ADAMTS6: variants seen among roughly 807,000 people sequenced by gnomAD.
ADAMTS6 encodes the protein ADAM metallopeptidase with thrombospondin type 1 motif 6, also known as A disintegrin and metalloproteinase with thrombospondin motifs 6.
ADAMTS6 carries 23 observed loss-of-function variants against 144.3 expected under a neutral mutation model. The observed-to-expected ratio is 0.16, with a 90% CI of 0.11 to 0.23. The LOEUF is 0.23. ADAMTS6 is among the 10% of genes least tolerant of loss of function. The pLI, the probability that ADAMTS6 is intolerant of heterozygous loss-of-function variation, is 1.00. For synonymous variants in ADAMTS6, 444 were observed against 457.5 expected (o/e 0.97, Z 0.38); for missense variants, 999 against 1,379.6 (o/e 0.72, Z 4.37).
intron 12 of ADAMTS6, among the ~76,000 whole-genome samples, chr5:65,267,951 A>C (rs1414751412): frequency 6.6e-6 from 1 of 152,210 alleles, no homozygotes; most frequent in Non-Finnish European, 1.5e-5. Flanking sequence ...TTCAGCCCAA[A>C]TTCTAAATCA....
At chr5:65,421,399 T>A (rs1408988487) in intron 7 of ADAMTS6, among the ~76,000 whole-genome samples, 1 of 152,204 alleles carries the variant, frequency 6.6e-6, no homozygotes, top group African/African-American at 2.4e-5. Context: ...AGGACCCCAA[T>A]CCCTTCTGGC....
chr5:65,378,319 A>G (rs572851052), intron 7 of ADAMTS6, among the ~76,000 whole-genome samples: 2 of 152,120 alleles, frequency 1.3e-5, no homozygotes, highest in South Asian at 4.2e-4. Flanking sequence ...TCTTTAACTT[A>G]TCCTTCTCTA....
At chr5:65,196,989 A>G in intron 21 of ADAMTS6, 33 bp downstream of exon 21, 4 of 1,598,698 alleles carry the variant, frequency 2.5e-6, no homozygotes, top group Non-Finnish European at 3.4e-6. Context: ...TTGCACCTGA[A>G]GAAAATAATT....
At chr5:65,343,723 G>A (rs1019828693) in intron 7 of ADAMTS6, among the ~76,000 whole-genome samples, 3 of 151,988 alleles carry the variant, frequency 2.0e-5, no homozygotes, top group Admixed American at 6.6e-5. Flanking sequence ...AAAAGCTTCT[G>A]CAGAGCAAAA....
Position 65,445,942 on chromosome 5 carries a change from C to T in ADAMTS6, c.1073+5533G>A, listed in dbSNP as rs537773803. Among the ~76,000 whole-genome samples, 80 of 152,226 alleles carry T rather than the reference C, an allele frequency of 5.3e-4. 1 individual carries two copies. In the East Asian group the frequency reaches 0.011, roughly 21 times the overall value. On this transcript the variant is annotated intron_variant, in intron 7 of 24. Coordinates refer to ENST00000381055, the MANE Select transcript of ADAMTS6 (RefSeq NM_197941.4). ...GTTAATACACTTTTAGAAAGATGAA[C>T]TATATGATCATCTCAAACAATTCAG...
At chr5:65,191,087 C>T (rs1241335485) in intron 21 of ADAMTS6, among the ~76,000 whole-genome samples, 4 of 152,070 alleles carry the variant, frequency 2.6e-5, no homozygotes, top group Non-Finnish European at 5.9e-5. Context: ...ATATAAATTG[C>T]CGAATCGTTA....
intron 14 of ADAMTS6, chr5:65,256,500 T>C (rs1760672944): frequency 6.6e-6 from 1 of 152,292 alleles, no homozygotes; most frequent in East Asian, 1.9e-4. Context: ...GAAGAAAACA[T>C]AAATATATAT....
At chr5:65,215,535 CAA>C in intron 18 of ADAMTS6, 48 bp from the exon 19 acceptor site, 12 of 1,525,386 alleles carry the variant, frequency 7.9e-6, no homozygotes, top group Non-Finnish European at 1.1e-5. Flanking sequence ...TTTCATTTAC[CAA>C]AGTGTCACTG....
chr5:65,437,850 G>A (rs1192398100), intron 7 of ADAMTS6, among the ~76,000 whole-genome samples: 8 of 151,766 alleles, frequency 5.3e-5, no homozygotes, highest in African/African-American at 1.9e-4. Context: ...GAATATTTTC[G>A]ATCCACGATT....
In ADAMTS6 at chr5:65,273,347, T is replaced by C. The variant is rs769032693; in HGVS notation, c.1613A>G (p.Glu538Gly). 1 of 1,613,800 alleles carries C rather than the reference T, an allele frequency of 6.2e-7. No individual in the cohort carries two copies. Among genetic ancestry groups the C allele is most frequent in the South Asian group, 1.1e-5 (1 of 91,072 alleles). Residue 538 changes from glutamate (E) to glycine (G), a missense_variant, in exon 12 of 25, where the codon GAA (glutamate) becomes GGA (glycine). Physicochemically the swap from Glu to Gly is moderately conservative, Grantham distance 98 (BLOSUM62 -2). Transcript: ENST00000381055. The stretch of plus-strand genomic sequence containing the variant: ...GTAAATCATTGAGCTTACCCCTTTT[T>C]CAATATTCCCAGTTTGACACAGTGT... ...EGTLCQTGNI[E>G]KGWCYQGDCV...
chr5:65,429,739 G>T (rs1248110313), intron 7 of ADAMTS6, among the ~76,000 whole-genome samples: 1 of 151,962 alleles, frequency 6.6e-6, no homozygotes, highest in Non-Finnish European at 1.5e-5. Flanking sequence ...TTACTAAATT[G>T]CAGAAGTTTT....
intron 14 of ADAMTS6, among the ~76,000 whole-genome samples, chr5:65,258,994 A>T (rs79616078): frequency 0.017 from 2,619 of 152,244 alleles, 58 homozygotes; most frequent in African/African-American, 0.059. Flanking sequence ...AGAAAGGAGT[A>T]TTGGTAGAGC....
intron 14 of ADAMTS6, among the ~76,000 whole-genome samples, chr5:65,244,174 C>T (rs1235953633): frequency 2.0e-5 from 3 of 151,482 alleles, no homozygotes; most frequent in African/African-American, 7.3e-5. Context: ...GAGTGGGAGA[C>T]TATTAAGAAT....
At chr5:65,187,128 A>T (rs1754721358) in intron 22 of ADAMTS6, among the ~76,000 whole-genome samples, 1 of 152,208 alleles carries the variant, frequency 6.6e-6, no homozygotes, top group Admixed American at 6.5e-5. Flanking sequence ...TGCTAACTTG[A>T]AAGAAATATC....
chr5:65,353,541 T>G (rs1326977071), intron 7 of ADAMTS6, among the ~76,000 whole-genome samples: 1 of 152,020 alleles, frequency 6.6e-6, no homozygotes, highest in Admixed American at 6.6e-5. Flanking sequence ...TAACTCTCAC[T>G]ATTCTTTAGT....
At chr5:65,232,191 C>T (rs748737458) in intron 15 of ADAMTS6, among the ~76,000 whole-genome samples, 3 of 151,908 alleles carry the variant, frequency 2.0e-5, no homozygotes, top group Non-Finnish European at 4.4e-5. Flanking sequence ...CACAGCATTC[C>T]AAAACTTATG....
chr5:65,229,619 A>G (rs1757985124), intron 15 of ADAMTS6, among the ~76,000 whole-genome samples: 1 of 152,192 alleles, frequency 6.6e-6, no homozygotes, highest in African/African-American at 2.4e-5. Context: ...TAATAAAAAC[A>G]GATTCTGGAG....
At chr5:65,243,488 C>G (rs922780357) in intron 14 of ADAMTS6, among the ~76,000 whole-genome samples, 3 of 152,018 alleles carry the variant, frequency 2.0e-5, no homozygotes, top group Admixed American at 6.6e-5. Context: ...TGTTATGAGC[C>G]CTGCATTTTA....
At chr5:65,428,323 C>T (rs1487756861) in intron 7 of ADAMTS6, among the ~76,000 whole-genome samples, 2 of 151,446 alleles carry the variant, frequency 1.3e-5, no homozygotes, top group Non-Finnish European at 2.9e-5. Context: ...ACAACAGGTT[C>T]ACTTTAAAAG....
Sources: gnomAD v4.1 joint callset for allele counts (sites outside exome capture counted in the v4.1 genomes callset) on GRCh38, gnomAD v4.1.1 for gene constraint, MANE v1.5 for transcripts, NCBI Gene and HGNC (gene_info 2026-07-23, HGNC 2026-07-21) for gene names.